The following ABCB5 variants were observed in gnomAD, a reference collection of about 807,000 sequenced individuals.
The protein encoded by ABCB5 is ATP binding cassette subfamily B member 5.
In ABCB5, 155 loss-of-function variants were observed where a neutral mutation model predicts 144.2. The ratio of observed to expected loss-of-function variants is 1.08; its 90% confidence interval spans 0.94 to 1.23. The LOEUF (loss-of-function observed/expected upper bound fraction) is 1.23. Among genes scored for constraint, ABCB5 ranks in the 50% most tolerant of loss-of-function variants. The pLI is 0.00. For synonymous variants in ABCB5, 610 were observed against 528.6 expected (o/e 1.15, Z -2.11); for missense variants, 1,830 against 1,520.8 (o/e 1.20, Z -3.38).
Position 20,713,049 on chromosome 7 carries a change from C to T in ABCB5, c.2421+8242C>T, listed in dbSNP as rs561157956. ...TGTCCTTTTACCAACATCTTCTCAA[C>T]CCCCTGAATCCCCATCTCCTAGAAA... On this transcript the variant is annotated intron_variant, in intron 20 of 27. Coordinates refer to ENST00000404938, the MANE Select transcript of ABCB5 (RefSeq NM_001163941.2). 7.4e-5 allele frequency among the ~76,000 whole-genome samples: 11 copies of T among 149,546 alleles called. 1 individual carries two copies. In the South Asian group the frequency reaches 2.4e-3, roughly 32 times the overall value.
At chr7:20,639,184 A>G (rs900839943) in intron 5 of ABCB5, among the ~76,000 whole-genome samples, 1 of 152,134 alleles carries the variant, frequency 6.6e-6, no homozygotes, top group South Asian at 2.1e-4. Flanking sequence ...AATATTTTAC[A>G]TATTTTTAAA....
intron 20 of ABCB5, among the ~76,000 whole-genome samples, chr7:20,714,872 G>C (rs991896826): frequency 2.2e-4 from 34 of 152,102 alleles, no homozygotes; most frequent in African/African-American, 7.7e-4. Flanking sequence ...TTAGAAATTA[G>C]GTTGGTGTGT....
chr7:20,624,999 C>G (rs563427139), intron 2 of ABCB5, among the ~76,000 whole-genome samples: 8 of 152,210 alleles, frequency 5.3e-5, no homozygotes, highest in Non-Finnish European at 1.2e-4. Flanking sequence ...ACGACCCAAG[C>G]CCTCCTTCGA....
In ABCB5 at chr7:20,646,042, C is replaced by A; in HGVS notation, c.885C>A (p.Tyr295Ter). 1.2e-6 allele frequency: 2 copies of A among 1,613,828 alleles called. No individual in the cohort carries two copies. The highest frequency in any genetic ancestry group is 1.7e-6 in the Non-Finnish European group (2 of 1,179,784). Reference protein sequence around the residue: ...IASKVSLGAVYFFMNGTYGLA... With the variant: ...IASKVSLGAV ...CAAAAGTGTCTCTTGGTGCTGTGTA[C>A]TTCTTTATGAATGGAACCTATGGAC... Residue 295 changes from tyrosine (Y) to a stop codon, truncating the protein, a stop_gained, in exon 9 of 28, where the codon TAC becomes TAA. Coordinates refer to ENST00000404938, the MANE Select transcript of ABCB5 (RefSeq NM_001163941.2). LOFTEE classifies it high-confidence loss of function.
chr7:20,691,338 C>T (rs949000333), intron 16 of ABCB5, among the ~76,000 whole-genome samples: 6 of 151,522 alleles, frequency 4.0e-5, no homozygotes, highest in African/African-American at 1.5e-4. Context: ...GCCAAAGTAG[C>T]CAGAGGTTTC....
intron 15 of ABCB5, among the ~76,000 whole-genome samples, chr7:20,683,268 G>A (rs1052321966): frequency 1.3e-5 from 2 of 152,054 alleles, no homozygotes; most frequent in Admixed American, 1.3e-4. Flanking sequence ...TTTATTAATT[G>A]AAAAACTGTC....
intron 16 of ABCB5, among the ~76,000 whole-genome samples, chr7:20,696,880 G>A (rs1375467899): frequency 6.6e-6 from 1 of 151,882 alleles, no homozygotes; most frequent in Non-Finnish European, 1.5e-5. Flanking sequence ...TTTTCCCAGA[G>A]GCAAAAGAAC....
chr7:20,717,437 CTTT>C (rs557306157), intron 20 of ABCB5, among the ~76,000 whole-genome samples: 1 of 132,998 alleles, frequency 7.5e-6, no homozygotes. Context: ...CAGATTTCCT[CTTT>C]TTTTTTTTTT....
At chr7:20,701,484 T>C (rs187221162) in intron 19 of ABCB5, among the ~76,000 whole-genome samples, 1 of 152,236 alleles carries the variant, frequency 6.6e-6, no homozygotes, top group African/African-American at 2.4e-5. Flanking sequence ...CCAAGCATAC[T>C]TTGAACTTCC....
chr7:20,652,262 C>A (rs1380994023), intron 13 of ABCB5, among the ~76,000 whole-genome samples: 1 of 152,134 alleles, frequency 6.6e-6, no homozygotes, highest in African/African-American at 2.4e-5. Flanking sequence ...AGGAAGCTAA[C>A]ATTGCATAAG....
At chr7:20,680,163 G>C (rs1785741686) in intron 14 of ABCB5, among the ~76,000 whole-genome samples, 1 of 152,148 alleles carries the variant, frequency 6.6e-6, no homozygotes, top group Non-Finnish European at 1.5e-5. Context: ...ATACAGAAGA[G>C]TATACAATGC....
At chr7:20,734,032 C>G (rs1782307894) in intron 23 of ABCB5, among the ~76,000 whole-genome samples, 1 of 152,162 alleles carries the variant, frequency 6.6e-6, no homozygotes, top group Non-Finnish European at 1.5e-5. Flanking sequence ...TCTAGGGATT[C>G]TCCTCCAGTA....
intron 14 of ABCB5, among the ~76,000 whole-genome samples, chr7:20,681,070 T>TC (rs1785801309): frequency 7.0e-5 from 1 of 14,210 alleles, no homozygotes. Flanking sequence ...CTTTCTTTCT[T>TC]TCTTTCTTTC....
chr7:20,689,204 G>C (rs2190411), intron 16 of ABCB5, among the ~76,000 whole-genome samples: 40,728 of 152,060 alleles, frequency 0.27, 5,546 homozygotes, highest in Non-Finnish European at 0.29. Flanking sequence ...CCCCACTACC[G>C]CTGGAGTGAA....
intron 16 of ABCB5, among the ~76,000 whole-genome samples, chr7:20,698,158 T>C (rs552864778): frequency 3.3e-5 from 5 of 152,348 alleles, no homozygotes; most frequent in South Asian, 2.1e-4. Flanking sequence ...TTTTAAATAA[T>C]AGCAACTGAG....
chr7:20,668,821 G>C (rs74700302), intron 14 of ABCB5, among the ~76,000 whole-genome samples: 158 of 102,352 alleles, frequency 1.5e-3, no homozygotes, highest in South Asian at 3.1e-3. Flanking sequence ...CCCTCTGCCC[G>C]GCCAGCCGCC....
At position 20,645,847 on chromosome 7, in the gene ABCB5, T is replaced by G; in HGVS notation, c.770T>G (p.Ile257Arg). The G allele has an allele frequency of 6.2e-7, 1 of 1,613,870 alleles. No individual in the cohort carries two copies. Among genetic ancestry groups the G allele is most frequent in the Non-Finnish European group, 8.5e-7 (1 of 1,179,778 alleles). ...EEVLSSIRTV[I>R]AFRAQEKELQ... The stretch of plus-strand genomic sequence containing the variant: ...GTCTTGTCATCAATCCGAACAGTCA[T>G]AGCCTTTAGGGCCCAGGAGAAAGAA... Residue 257 changes from isoleucine (I) to arginine (R), a missense_variant, in exon 8 of 28, where the codon ATA becomes AGA. Coordinates refer to ENST00000404938, the MANE Select transcript of ABCB5 (RefSeq NM_001163941.2).
Position 20,755,800 on chromosome 7 carries a change from G to T in ABCB5, c.*176G>T. 3.3e-6 allele frequency: 2 copies of T among 606,358 alleles called. No homozygotes were observed. The highest frequency in any genetic ancestry group is 5.5e-6 in the Non-Finnish European group (2 of 362,570). The allele number at this position is 606,358 out of a possible 1,614,324, so 37.6% of individuals were successfully genotyped here. ...CTGACCTTCAGATTTTTAAAAGGAAGCAAAAATTTGCTTATTTCATGTAAG... is the reference window on the plus strand; with the variant it reads ...CTGACCTTCAGATTTTTAAAAGGAATCAAAAATTTGCTTATTTCATGTAAG... On this transcript the variant is annotated 3_prime_UTR_variant, in exon 28 of 28. Transcript: ENST00000404938.
At chr7:20,726,131 T>A (rs991117504) in intron 21 of ABCB5, among the ~76,000 whole-genome samples, 1 of 152,228 alleles carries the variant, frequency 6.6e-6, no homozygotes, top group Admixed American at 6.5e-5. Context: ...CATGTAATTA[T>A]GCATTCTCTT....
Sources: allele counts gnomAD v4.1 joint callset (sites outside exome capture counted in the v4.1 genomes callset), GRCh38; gene constraint gnomAD v4.1.1; transcripts MANE v1.5; gene names NCBI Gene and HGNC (gene_info 2026-07-23, HGNC 2026-07-21).